The following CDK14 variants were observed in gnomAD, a reference collection of about 807,000 sequenced individuals.
The protein encoded by CDK14 is cyclin-dependent kinase 14.
In CDK14, 34 loss-of-function variants were observed where a neutral mutation model predicts 60.7. The ratio of observed to expected loss-of-function variants is 0.56; its 90% CI spans 0.43 to 0.75. The LOEUF (loss-of-function observed/expected upper bound fraction) is 0.75. Among genes scored for constraint, CDK14 ranks in the 30% least tolerant of loss-of-function variants. The pLI is 0.00. For missense variants in CDK14, 482 were observed against 564.1 expected, an observed-to-expected ratio of 0.85 and a Z score of 1.47; for synonymous variants, 197 against 203.7, an observed-to-expected ratio of 0.97 and a Z score of 0.28.
chr7:91,095,104 A>C (rs1158470817), intron 12 of CDK14, among the ~76,000 whole-genome samples: 4 of 152,252 alleles, frequency 2.6e-5, no homozygotes, highest in African/African-American at 9.6e-5. Flanking sequence ...GACAGCAAAC[A>C]AAAAATAGAC....
chr7:90,794,313 T>C (rs1455841568), intron 5 of CDK14, among the ~76,000 whole-genome samples: 3 of 152,128 alleles, frequency 2.0e-5, no homozygotes, highest in Non-Finnish European at 4.4e-5. Context: ...TGATAACATC[T>C]TATCAGGAGA....
At chr7:91,059,314 G>C in intron 11 of CDK14, among the ~76,000 whole-genome samples, 1 of 151,648 alleles carries the variant, frequency 6.6e-6, no homozygotes, top group East Asian at 1.9e-4. Context: ...TATTAGTCTT[G>C]CTAGCGGTCT....
chr7:91,161,131 C>T (rs1406817650), intron 14 of CDK14, among the ~76,000 whole-genome samples: 1 of 152,086 alleles, frequency 6.6e-6, no homozygotes, highest in Non-Finnish European at 1.5e-5. Flanking sequence ...GGGACACTGC[C>T]TCTGACTTGG....
chr7:90,700,658 T>C (rs1801764298), intron 2 of CDK14, among the ~76,000 whole-genome samples: 1 of 152,192 alleles, frequency 6.6e-6, no homozygotes, highest in Non-Finnish European at 1.5e-5. Context: ...AGTCTGTGGA[T>C]ATACATGCAT....
intron 14 of CDK14, among the ~76,000 whole-genome samples, chr7:91,181,556 G>T (rs1486623573): frequency 6.6e-6 from 1 of 152,048 alleles, no homozygotes; most frequent in African/African-American, 2.4e-5. Context: ...TAGTTTATTA[G>T]CTGGAACATT....
At chr7:91,201,064 A>G (rs569575265) in intron 14 of CDK14, among the ~76,000 whole-genome samples, 2 of 152,298 alleles carry the variant, frequency 1.3e-5, no homozygotes, top group East Asian at 3.9e-4. Flanking sequence ...GCATGTAATT[A>G]ATTGCGTGCC....
At chr7:91,007,573 G>A (rs147470718) in intron 10 of CDK14, among the ~76,000 whole-genome samples, 32 of 152,214 alleles carry the variant, frequency 2.1e-4, no homozygotes, top group African/African-American at 7.0e-4. Flanking sequence ...ACCAGTAATT[G>A]GCAGCCAAGC....
At chr7:90,834,946 G>A (rs1410934209) in intron 5 of CDK14, among the ~76,000 whole-genome samples, 3 of 152,114 alleles carry the variant, frequency 2.0e-5, no homozygotes, top group Non-Finnish European at 2.9e-5. Flanking sequence ...TGAACAGATG[G>A]TCTTTAAAAC....
At chr7:90,908,520 A>G (rs977014142) in intron 7 of CDK14, among the ~76,000 whole-genome samples, 2 of 151,830 alleles carry the variant, frequency 1.3e-5, no homozygotes, top group East Asian at 3.9e-4. Context: ...AGTTCCCATT[A>G]AGAATAGGGG....
At chr7:90,765,888 T>C (rs891656974) in intron 4 of CDK14, among the ~76,000 whole-genome samples, 2 of 152,194 alleles carry the variant, frequency 1.3e-5, no homozygotes, top group Non-Finnish European at 2.9e-5. Context: ...AGTATATTCT[T>C]GATGGAGAAA....
chr7:91,043,707 A>C (rs552636458), intron 10 of CDK14, among the ~76,000 whole-genome samples: 1 of 152,146 alleles, frequency 6.6e-6, no homozygotes, highest in Non-Finnish European at 1.5e-5. Flanking sequence ...GTTTGTGTAG[A>C]TCTATCTATT....
At chr7:90,782,199 C>T (rs1805358875) in intron 4 of CDK14, among the ~76,000 whole-genome samples, 1 of 152,078 alleles carries the variant, frequency 6.6e-6, no homozygotes, top group Non-Finnish European at 1.5e-5. Flanking sequence ...GGAGTTCACT[C>T]ATGATTTGGC....
chr7:90,709,761 A>G (rs1452057839), intron 2 of CDK14: 1 of 1,379,786 alleles, frequency 7.2e-7, no homozygotes, highest in African/African-American at 1.6e-5. Context: ...CTCTTAGGGG[A>G]TTTCTGGGCT....
chr7:91,174,695 G>A (rs888023235), intron 14 of CDK14, among the ~76,000 whole-genome samples: 32 of 132,172 alleles, frequency 2.4e-4, no homozygotes, highest in African/African-American at 9.3e-4. Context: ...TCAACTGGAA[G>A]AAAGGGTATC....
At chr7:91,064,475 A>G (rs529111474) in intron 11 of CDK14, among the ~76,000 whole-genome samples, 2 of 152,344 alleles carry the variant, frequency 1.3e-5, no homozygotes, top group South Asian at 2.1e-4. Context: ...TACCCATAGC[A>G]TTATTACATG....
At chr7:90,938,291 C>T (rs1793815395) in intron 8 of CDK14, among the ~76,000 whole-genome samples, 1 of 152,154 alleles carries the variant, frequency 6.6e-6, no homozygotes, top group South Asian at 2.1e-4. Flanking sequence ...CCACTAAATC[C>T]TGTAGGTTTG....
At position 91,062,717 on chromosome 7, in the gene CDK14, C is replaced by G. The variant is rs74920354; in HGVS notation, c.1106-16715C>G. Among the ~76,000 whole-genome samples, 1,085 of 152,214 alleles carry G rather than the reference C, an allele frequency of 7.1e-3. 9 individuals carry two copies. Among genetic ancestry groups the G allele is most frequent in the African/African-American group, 0.025 (1,025 of 41,528 alleles). ...AGGGAAGGTAGACAGGGCAGATGGA[C>G]AAAGCCGAAGCTCAGTGAGGAAAAT... On this transcript the variant is annotated intron_variant, in intron 11 of 14. Transcript: ENST00000380050.
At chr7:90,992,938 G>A (rs1469220483) in intron 10 of CDK14, among the ~76,000 whole-genome samples, 2 of 152,152 alleles carry the variant, frequency 1.3e-5, no homozygotes, top group Admixed American at 1.3e-4. Context: ...GAATTATGCT[G>A]GGGCTAGGGA....
At chr7:90,939,102 G>A (rs1793837275) in intron 8 of CDK14, among the ~76,000 whole-genome samples, 3 of 152,158 alleles carry the variant, frequency 2.0e-5, no homozygotes, top group Non-Finnish European at 4.4e-5. Flanking sequence ...AGTGGATAGC[G>A]AAATAGCACT....
Sources: allele counts gnomAD v4.1 joint callset (sites outside exome capture counted in the v4.1 genomes callset), GRCh38; gene constraint gnomAD v4.1.1; transcripts MANE v1.5; gene names NCBI Gene and HGNC (gene_info 2026-07-23, HGNC 2026-07-21).